The following HS6ST3 variants were observed in gnomAD, a reference collection of about 807,000 sequenced individuals.
The protein encoded by HS6ST3 is heparan sulfate 6-O-sulfotransferase 3.
A neutral mutation model predicts 36.7 loss-of-function variants in HS6ST3; 12 were observed. That is an observed-to-expected ratio of 0.33 (90% confidence interval 0.21 to 0.53). HS6ST3 has a LOEUF of 0.53. Among genes scored for constraint, HS6ST3 ranks in the 20% least tolerant of loss-of-function variants. The pLI is 0.95. For synonymous variants in HS6ST3, 240 were observed against 257.5 expected (o/e 0.93, Z 0.65); for missense variants, 584 against 640.9 (o/e 0.91, Z 0.96).
intron 1 of HS6ST3, among the ~76,000 whole-genome samples, chr13:96,392,217 A>C (rs2055399349): frequency 6.6e-6 from 1 of 152,190 alleles, no homozygotes; most frequent in Non-Finnish European, 1.5e-5. Context: ...CTGCCTTCCA[A>C]ATTTCCACTG....
intron 1 of HS6ST3, among the ~76,000 whole-genome samples, chr13:96,672,100 A>G (rs964272347): frequency 6.6e-6 from 1 of 152,094 alleles, no homozygotes; most frequent in Non-Finnish European, 1.5e-5. Context: ...TCAGACTGCT[A>G]TTAATTTTCA....
At chr13:96,270,716 C>G (rs552689891) in intron 1 of HS6ST3, among the ~76,000 whole-genome samples, 1 of 151,880 alleles carries the variant, frequency 6.6e-6, no homozygotes, top group South Asian at 2.1e-4. Context: ...AAAAGAAATG[C>G]ACATATAACA....
chr13:96,157,284 T>G (rs1221089738), intron 1 of HS6ST3, among the ~76,000 whole-genome samples: 1 of 152,214 alleles, frequency 6.6e-6, no homozygotes, highest in Non-Finnish European at 1.5e-5. Flanking sequence ...TCCCCATCTT[T>G]CAGTGGGATA....
At chr13:96,396,413 T>G (rs1338724338) in intron 1 of HS6ST3, among the ~76,000 whole-genome samples, 1 of 152,150 alleles carries the variant, frequency 6.6e-6, no homozygotes, top group Non-Finnish European at 1.5e-5. Flanking sequence ...ATTCTTCCCT[T>G]TGAAAAATTC....
chr13:96,541,211 A>G (rs999926793), intron 1 of HS6ST3, among the ~76,000 whole-genome samples: 3 of 151,706 alleles, frequency 2.0e-5, no homozygotes, highest in Non-Finnish European at 2.9e-5. Flanking sequence ...AATTTTTTGT[A>G]TTTTTAGTAG....
intron 1 of HS6ST3, among the ~76,000 whole-genome samples, chr13:96,337,617 T>TC (rs1457658778): frequency 1.3e-5 from 2 of 152,168 alleles, no homozygotes; most frequent in Non-Finnish European, 2.9e-5. Context: ...CTCTGATATT[T>TC]CACTGTGATC....
chr13:96,545,979 G>T (rs1297355184), intron 1 of HS6ST3, among the ~76,000 whole-genome samples: 1 of 152,080 alleles, frequency 6.6e-6, no homozygotes, highest in African/African-American at 2.4e-5. Flanking sequence ...CACATAGTGG[G>T]CACTCAAGAA....
intron 1 of HS6ST3, among the ~76,000 whole-genome samples, chr13:96,333,473 G>A (rs950878856): frequency 1.3e-5 from 2 of 152,188 alleles, no homozygotes; most frequent in African/African-American, 4.8e-5. Flanking sequence ...AAGGAAGAGA[G>A]TTTGGGAGCT....
chr13:96,153,169 A>G (rs1459113111), intron 1 of HS6ST3, among the ~76,000 whole-genome samples: 2 of 152,120 alleles, frequency 1.3e-5, no homozygotes, highest in South Asian at 2.1e-4. Context: ...AAGCCCTTGA[A>G]GACAGCGTGT....
chr13:96,606,978 T>C (rs1054229144), intron 1 of HS6ST3, among the ~76,000 whole-genome samples: 15 of 151,862 alleles, frequency 9.9e-5, no homozygotes, highest in African/African-American at 3.4e-4. Context: ...AGAAAAGAAA[T>C]TGAATATATG....
At chr13:96,692,170 GC>G (rs1874981645) in intron 1 of HS6ST3, among the ~76,000 whole-genome samples, 1 of 152,016 alleles carries the variant, frequency 6.6e-6, no homozygotes, top group Admixed American at 6.6e-5. Flanking sequence ...AAATTATGTA[GC>G]CTTGGGGGCC....
At chr13:96,305,248 T>A (rs2054906508) in intron 1 of HS6ST3, among the ~76,000 whole-genome samples, 1 of 152,188 alleles carries the variant, frequency 6.6e-6, no homozygotes, top group Non-Finnish European at 1.5e-5. Context: ...CATAATTGCT[T>A]GATATATTTA....
At chr13:96,244,565 C>T (rs2139374256) in intron 1 of HS6ST3, among the ~76,000 whole-genome samples, 1 of 152,266 alleles carries the variant, frequency 6.6e-6, no homozygotes, top group East Asian at 1.9e-4. Flanking sequence ...TTAATCCTAT[C>T]ACAATACAAA....
rs139816629 is a variant in HS6ST3, at chr13:96,596,032, T to C, written c.708-236458T>C. 2.3e-3 allele frequency among the ~76,000 whole-genome samples: 352 copies of C among 152,304 alleles called. 1 individual carries two copies. Among genetic ancestry groups the C allele is most frequent in the Non-Finnish European group, 4.1e-3 (276 of 68,018 alleles). On this transcript the variant is annotated intron_variant, in intron 1 of 1. Coordinates refer to ENST00000376705, the MANE Select transcript of HS6ST3 (RefSeq NM_153456.4). ...ATATTGCTGAGGTTAGGGTTTTTAG[T>C]ATACCTGTCAACCAAATAGTGTACA...
At chr13:96,595,239 G>A (rs1822562653) in intron 1 of HS6ST3, among the ~76,000 whole-genome samples, 1 of 152,068 alleles carries the variant, frequency 6.6e-6, no homozygotes, top group Non-Finnish European at 1.5e-5. Context: ...TAGAGATGGA[G>A]TCTTGCTATG....
intron 1 of HS6ST3, among the ~76,000 whole-genome samples, chr13:96,123,933 C>T (rs1483480376): frequency 6.6e-6 from 1 of 151,988 alleles, no homozygotes; most frequent in Non-Finnish European, 1.5e-5. Flanking sequence ...GTTAAGAATC[C>T]TCTTAGAAGT....
intron 1 of HS6ST3, among the ~76,000 whole-genome samples, chr13:96,125,474 C>T (rs2053946041): frequency 1.3e-5 from 2 of 152,244 alleles, no homozygotes; most frequent in South Asian, 2.1e-4. Flanking sequence ...CCAGTTCTAT[C>T]TTACTTATTT....
At chr13:96,415,362 A>G (rs2055527768) in intron 1 of HS6ST3, among the ~76,000 whole-genome samples, 1 of 152,206 alleles carries the variant, frequency 6.6e-6, no homozygotes, top group Admixed American at 6.5e-5. Flanking sequence ...AGCATAATAC[A>G]ACTCTAAAGC....
chr13:96,139,893 T>C (rs1237759667), intron 1 of HS6ST3, among the ~76,000 whole-genome samples: 2 of 152,262 alleles, frequency 1.3e-5, no homozygotes, highest in East Asian at 3.9e-4. Context: ...TAAAACCAAG[T>C]ATCCACAGTC....
Sources: allele counts gnomAD v4.1 joint callset (sites outside exome capture counted in the v4.1 genomes callset), GRCh38; gene constraint gnomAD v4.1.1; transcripts MANE v1.5; gene names NCBI Gene and HGNC (gene_info 2026-07-23, HGNC 2026-07-21).